Variants in TBCK observed in about 807,000 individuals in gnomAD.
TBCK encodes the protein TBC domain-containing protein kinase-like protein.
TBCK carries 99 observed loss-of-function variants against 113.4 expected under a neutral mutation model. The ratio of observed to expected loss-of-function variants is 0.87; its 90% CI spans 0.74 to 1.03. The LOEUF (loss-of-function observed/expected upper bound fraction) is 1.03. TBCK is among the 50% of genes least tolerant of loss of function. The probability of loss-of-function intolerance (pLI) is 0.00; values close to 1 mark genes in which losing one functional copy is unlikely to be tolerated. For synonymous variants in TBCK, 369 were observed against 370.8 expected, an observed-to-expected ratio of 1.00 and a Z score of 0.05; for missense variants, 1,045 against 1,061.3, an observed-to-expected ratio of 0.98 and a Z score of 0.21.
intron 22 of TBCK, among the ~76,000 whole-genome samples, chr4:106,182,081 C>T (rs1466962546): frequency 1.3e-5 from 2 of 152,130 alleles, no homozygotes; most frequent in African/African-American, 4.8e-5. Context: ...AGAGGTCCTT[C>T]ACATCCCTTG....
chr4:106,308,977 C>G lies in TBCK; in HGVS notation c.-17G>C, dbSNP rs1429340708. 1 of 1,600,732 alleles carries G rather than the reference C, an allele frequency of 6.2e-7. No individual in the cohort carries two copies. The highest frequency in any genetic ancestry group is 8.5e-7 in the Non-Finnish European group (1 of 1,174,084). ...GGGAAACATTTTTGGAGTCCTAGGT[C>G]TTCTAAGATAATCTGGAAAAGGAGA... On this transcript the variant is annotated 5_prime_UTR_variant, in exon 2 of 26. Transcript: ENST00000394708.
At chr4:106,146,259 G>A (rs1406273646) in intron 23 of TBCK, among the ~76,000 whole-genome samples, 1 of 152,084 alleles carries the variant, frequency 6.6e-6, no homozygotes, top group Non-Finnish European at 1.5e-5. Context: ...GGAATACTAT[G>A]CAGCCACAAA....
intron 24 of TBCK, among the ~76,000 whole-genome samples, chr4:106,096,666 C>G (rs549297447): frequency 6.6e-6 from 1 of 152,140 alleles, no homozygotes; most frequent in Non-Finnish European, 1.5e-5. Context: ...GATGACCCTG[C>G]TACAACCATG....
chr4:106,046,596 G>A lies in TBCK; in HGVS notation c.2656C>T (p.Leu886Phe). 6.2e-7 allele frequency: 1 copy of A among 1,608,178 alleles called. No individual in the cohort carries two copies. Among genetic ancestry groups the A allele is most frequent in the African/African-American group, 1.3e-5 (1 of 74,848 alleles). The change falls in exon 26 of 26, where the codon CTC (leucine) becomes TTC (phenylalanine). Residue 886 changes from leucine to phenylalanine, a missense_variant. Leu to Phe is a conservative substitution (Grantham distance 22). Transcript: ENST00000394708. ...CATATTTGAGGAGATGGGATGGTGA[G>A]GAGGCCTGTTGGCTTTATTTTATTA... ...GINKIKPTGL[L>F]TIPSPQI
At chr4:106,314,238 C>T (rs1327402570) in intron 1 of TBCK, among the ~76,000 whole-genome samples, 1 of 152,128 alleles carries the variant, frequency 6.6e-6, no homozygotes, top group East Asian at 1.9e-4. Context: ...AGAATCACTA[C>T]TTTTCTCGTT....
intron 25 of TBCK, among the ~76,000 whole-genome samples, chr4:106,088,819 A>G (rs1194958133): frequency 6.6e-6 from 1 of 152,134 alleles, no homozygotes; most frequent in Admixed American, 6.5e-5. Flanking sequence ...TCAGCAAACT[A>G]ATAGAGGAGC....
In TBCK at chr4:106,193,670, C is replaced by T; in HGVS notation, c.1998G>A (p.Leu666=). ...FCIGVAILQQ[L]RDRLLANGFN... is the part of the protein sequence containing the mutation. The stretch of plus-strand genomic sequence containing the variant: ...AGCCATTAGCCAAAAGCCGGTCCCG[C>T]AGCTGCTGAAGAATTGCTACTCCAA... The change falls in exon 22 of 26, where the codon CTG becomes CTA. Residue 666 remains leucine, a synonymous_variant. Transcript: ENST00000394708. The T allele has an allele frequency of 6.2e-7, 1 of 1,613,534 alleles. No individual in the cohort carries two copies. Among genetic ancestry groups the T allele is most frequent in the Non-Finnish European group, 8.5e-7 (1 of 1,179,680 alleles).
chr4:106,218,167 T>A (rs1430255450), intron 19 of TBCK, among the ~76,000 whole-genome samples: 1 of 144,372 alleles, frequency 6.9e-6, no homozygotes, highest in Non-Finnish European at 1.5e-5. Flanking sequence ...GCTAGCCATA[T>A]GTAGAAAGCT....
intron 3 of TBCK, 141 bp from the exon 4 acceptor site, chr4:106,262,353 T>C (rs1762583767): frequency 8.0e-6 from 4 of 501,698 alleles, no homozygotes; most frequent in South Asian, 2.9e-5. Flanking sequence ...ATAGAATCTA[T>C]ATATTTTCTA....
At chr4:106,071,185 A>T (rs1413353108) in intron 25 of TBCK, among the ~76,000 whole-genome samples, 1 of 151,964 alleles carries the variant, frequency 6.6e-6, no homozygotes, top group East Asian at 1.9e-4. Context: ...TCTAATTGTG[A>T]TGTTAGGGTG....
chr4:106,105,463 G>T (rs1047335842), intron 24 of TBCK, among the ~76,000 whole-genome samples: 1 of 152,198 alleles, frequency 6.6e-6, no homozygotes, highest in Admixed American at 6.5e-5. Flanking sequence ...GGAGTGCCAA[G>T]TCATGAACTA....
Position 106,095,526 on chromosome 4 carries a change from T to TC in TBCK, c.2526dup (p.Lys843GlufsTer15). On this transcript the variant is annotated frameshift_variant, in exon 25 of 26. Coordinates refer to ENST00000394708, the MANE Select transcript of TBCK (RefSeq NM_001163435.3). LOFTEE classifies it high-confidence loss of function. ...ACATGCCCCACGATGACAATGACCT[T>TC]CCCTTTGAAGTTCTGGAGCATAGCA... The TC allele has an allele frequency of 6.2e-7, 1 of 1,614,048 alleles. No homozygotes were observed. Among genetic ancestry groups the TC allele is most frequent in the Non-Finnish European group, 8.5e-7 (1 of 1,179,964 alleles).
At chr4:106,088,586 C>T (rs889533050) in intron 25 of TBCK, among the ~76,000 whole-genome samples, 6 of 152,174 alleles carry the variant, frequency 3.9e-5, no homozygotes, top group Non-Finnish European at 7.3e-5. Flanking sequence ...ACCCAGCAAT[C>T]CCACTACTGG....
intron 23 of TBCK, among the ~76,000 whole-genome samples, chr4:106,142,886 T>C (rs1463915143): frequency 1.3e-5 from 2 of 152,146 alleles, no homozygotes; most frequent in African/African-American, 4.8e-5. Flanking sequence ...AAATAAAAAC[T>C]GTCACCAGCA....
chr4:106,197,431 A>G (rs1410950019), intron 20 of TBCK, among the ~76,000 whole-genome samples: 1 of 148,638 alleles, frequency 6.7e-6, no homozygotes, highest in South Asian at 2.1e-4. Flanking sequence ...ATATATATAT[A>G]TAATACAAAG....
chr4:106,217,038 C>A (rs1757029873), intron 19 of TBCK, among the ~76,000 whole-genome samples: 1 of 151,898 alleles, frequency 6.6e-6, no homozygotes, highest in Non-Finnish European at 1.5e-5. Context: ...TGGGCTTCAT[C>A]CCTGGGATGC....
chr4:106,300,369 G>C (rs867661337), intron 2 of TBCK, among the ~76,000 whole-genome samples: 1 of 152,076 alleles, frequency 6.6e-6, no homozygotes, highest in East Asian at 1.9e-4. Flanking sequence ...AAGGAGTAGG[G>C]GGAAGTAAAA....
chr4:106,273,081 A>G (rs1045198061), intron 3 of TBCK, among the ~76,000 whole-genome samples: 1 of 152,168 alleles, frequency 6.6e-6, no homozygotes, highest in African/African-American at 2.4e-5. Flanking sequence ...TTTGTAATAT[A>G]CAGATTTTTA....
chr4:106,083,471 C>A (rs1739135448), intron 25 of TBCK, among the ~76,000 whole-genome samples: 1 of 152,222 alleles, frequency 6.6e-6, no homozygotes, highest in South Asian at 2.1e-4. Context: ...GGGAGGTGGC[C>A]TCAGTCTCTG....
Sources: gnomAD v4.1 joint callset for allele counts (sites outside exome capture counted in the v4.1 genomes callset) on GRCh38, gnomAD v4.1.1 for gene constraint, MANE v1.5 for transcripts, NCBI Gene and HGNC (gene_info 2026-07-23, HGNC 2026-07-21) for gene names.